FBXW10B: variants seen among roughly 807,000 people sequenced by gnomAD.
FBXW10B encodes F-box and WD repeat domain containing protein 10B.
the FBXW10B span, among the ~76,000 whole-genome samples, chr17:15,585,826 G>T: frequency 6.6e-6 from 1 of 151,982 alleles, no homozygotes; most frequent in African/African-American, 2.4e-5. Flanking sequence ...TGATCTGTCC[G>T]CTTTTTCTTT....
the FBXW10B span, among the ~76,000 whole-genome samples, chr17:15,578,905 T>C: frequency 6.6e-6 from 1 of 152,166 alleles, no homozygotes; most frequent in Non-Finnish European, 1.5e-5. Context: ...TTTTCTTTTA[T>C]AGGCAATCTT....
chr17:15,616,553 C>T, the FBXW10B span, among the ~76,000 whole-genome samples: 1 of 151,868 alleles, frequency 6.6e-6, no homozygotes, highest in East Asian at 2.0e-4. Flanking sequence ...GCCTGTAATC[C>T]CAGCACTCTG....
chr17:15,583,700 G>A, the FBXW10B span, among the ~76,000 whole-genome samples: 1 of 151,480 alleles, frequency 6.6e-6, no homozygotes, highest in African/African-American at 2.4e-5. Flanking sequence ...TTACACCAGT[G>A]TGCCCCACGT....
At chr17:15,583,459 C>T in the FBXW10B span, among the ~76,000 whole-genome samples, 9 of 148,804 alleles carry the variant, frequency 6.0e-5, no homozygotes, top group African/African-American at 2.2e-4. Context: ...CTGACCACCA[C>T]TACAGCATCA....
chr17:15,618,044 C>T, the FBXW10B span, among the ~76,000 whole-genome samples: 1 of 152,096 alleles, frequency 6.6e-6, no homozygotes. Flanking sequence ...AATACAGAAT[C>T]CCTGGTTGAG....
At chr17:15,567,099 G>A in the FBXW10B span, among the ~76,000 whole-genome samples, 31 of 150,830 alleles carry the variant, frequency 2.1e-4, no homozygotes, top group Non-Finnish European at 3.5e-4. Flanking sequence ...GTGAAACCCC[G>A]CCTCTACTAA....
At chr17:15,596,935 G>A in the FBXW10B span, among the ~76,000 whole-genome samples, 1 of 151,992 alleles carries the variant, frequency 6.6e-6, no homozygotes, top group Non-Finnish European at 1.5e-5. Context: ...TAGCCTTGAG[G>A]CCCAAGTGCT....
At chr17:15,567,288 C>T in the FBXW10B span, among the ~76,000 whole-genome samples, 2 of 145,150 alleles carry the variant, frequency 1.4e-5, no homozygotes, top group African/African-American at 5.0e-5. Flanking sequence ...AAAAAAAAAA[C>T]TGAGTGAAAT....
At chr17:15,577,988 G>C in the FBXW10B span, among the ~76,000 whole-genome samples, 4 of 149,108 alleles carry the variant, frequency 2.7e-5, no homozygotes, top group Admixed American at 1.3e-4. Flanking sequence ...TGAGAACGGA[G>C]AGAGAAAATG....
At chr17:15,615,369 T>A in the FBXW10B span, among the ~76,000 whole-genome samples, 3,392 of 132,264 alleles carry the variant, frequency 0.026, 57 homozygotes, top group East Asian at 0.13. Flanking sequence ...TTGCCCAGGC[T>A]GGAGTGCAGT....
At chr17:15,592,307 T>G in the FBXW10B span, among the ~76,000 whole-genome samples, 8 of 150,914 alleles carry the variant, frequency 5.3e-5, no homozygotes, top group Admixed American at 2.0e-4. Context: ...TTTTTTTTTT[T>G]TTTTTTTTTT....
At chr17:15,616,246 C>T in the FBXW10B span, among the ~76,000 whole-genome samples, 1 of 151,968 alleles carries the variant, frequency 6.6e-6, no homozygotes, top group Non-Finnish European at 1.5e-5. Context: ...TCGGTCTTGG[C>T]TCACTGCAAC....
chr17:15,595,965 G>T, the FBXW10B span, among the ~76,000 whole-genome samples: 1 of 143,460 alleles, frequency 7.0e-6, no homozygotes, highest in South Asian at 2.2e-4. Context: ...TGCAACGTCT[G>T]CCTCCCTGAT....
the FBXW10B span, among the ~76,000 whole-genome samples, chr17:15,600,639 G>A: frequency 6.6e-6 from 1 of 152,028 alleles, no homozygotes; most frequent in Admixed American, 6.6e-5. Context: ...CCTTCCAGAA[G>A]GGGAACAAGA....
the FBXW10B span, among the ~76,000 whole-genome samples, chr17:15,615,426 C>T: frequency 6.8e-6 from 1 of 147,644 alleles, no homozygotes; most frequent in Non-Finnish European, 1.5e-5. Flanking sequence ...GCTTCACGCC[C>T]TTCTGCTGCC....
chr17:15,606,976 C>A, the FBXW10B span, among the ~76,000 whole-genome samples: 4 of 152,166 alleles, frequency 2.6e-5, no homozygotes, highest in East Asian at 3.9e-4. Flanking sequence ...TATTAAAGGA[C>A]CTTCGTCTCT....
At chr17:15,604,805 G>A in the FBXW10B span, among the ~76,000 whole-genome samples, 26 of 152,118 alleles carry the variant, frequency 1.7e-4, no homozygotes, top group Non-Finnish European at 3.1e-4. Context: ...CCAAAGTGCT[G>A]GGATTACAGG....
the FBXW10B span, chr17:15,618,883 T>C: frequency 6.0e-6 from 9 of 1,510,680 alleles, no homozygotes; most frequent in Non-Finnish European, 8.0e-6. Flanking sequence ...TCAAAAAACC[T>C]ATGCTGCATT....
chr17:15,618,859 G>A, the FBXW10B span: 1 of 1,471,436 alleles, frequency 6.8e-7, no homozygotes, highest in Non-Finnish European at 9.0e-7. Context: ...CGGGTGTCAG[G>A]ACGAGGTGTC....
Sources: gnomAD v4.1 joint callset for allele counts (sites outside exome capture counted in the v4.1 genomes callset) on GRCh38, gnomAD v4.1.1 for gene constraint, MANE v1.5 for transcripts, NCBI Gene and HGNC (gene_info 2026-07-23, HGNC 2026-07-21) for gene names.